Variants in ZDHHC23 observed in about 807,000 individuals in gnomAD.
The protein encoded by ZDHHC23 is palmitoyltransferase ZDHHC23.
ZDHHC23 carries 41 observed loss-of-function variants against 40.2 expected under a neutral mutation model. That is an observed-to-expected ratio of 1.02 (90% CI 0.79 to 1.32). ZDHHC23 has a LOEUF of 1.32. Among genes scored for constraint, ZDHHC23 ranks in the 40% most tolerant of loss-of-function variants. The probability of loss-of-function intolerance (pLI) is 0.00; values close to 1 mark genes in which losing one functional copy is unlikely to be tolerated. For synonymous variants in ZDHHC23, 204 were observed against 210.2 expected (o/e 0.97, Z 0.26); for missense variants, 471 against 541.5 (o/e 0.87, Z 1.29).
downstream of ZDHHC23, chr3:113,965,255 AC>A (rs1235800079): frequency 3.7e-6 from 6 of 1,611,786 alleles, no homozygotes; most frequent in Non-Finnish European, 4.2e-6. Flanking sequence ...AAGAATTTCA[AC>A]TACCTTCCTA....
intron 2 of ZDHHC23, among the ~76,000 whole-genome samples, chr3:113,952,859 G>A (rs989912713): frequency 1.3e-5 from 2 of 152,108 alleles, no homozygotes; most frequent in Non-Finnish European, 1.5e-5. Context: ...CTCTTTTTTA[G>A]AGGCATTAAT....
chr3:113,953,193 C>T (rs2107464310), intron 2 of ZDHHC23, among the ~76,000 whole-genome samples: 1 of 152,284 alleles, frequency 6.6e-6, no homozygotes, highest in Non-Finnish European at 1.5e-5. Flanking sequence ...CCTCTCTATT[C>T]ATACACATGC....
intron 2 of ZDHHC23, among the ~76,000 whole-genome samples, chr3:113,951,997 C>T (rs564183342): frequency 1.8e-3 from 269 of 152,146 alleles, no homozygotes; most frequent in African/African-American, 6.1e-3. Context: ...ATTAGCCAGG[C>T]GTGGTGGCGC....
chr3:113,976,069 C>A, the ZDHHC23 span, among the ~76,000 whole-genome samples: 2 of 151,500 alleles, frequency 1.3e-5, no homozygotes, highest in African/African-American at 4.8e-5. Flanking sequence ...TCAGCCTGGG[C>A]AGCATGGTAA....
downstream of ZDHHC23, among the ~76,000 whole-genome samples, chr3:113,970,088 G>T (rs919064835): frequency 6.6e-6 from 1 of 152,014 alleles, no homozygotes; most frequent in Non-Finnish European, 1.5e-5. Flanking sequence ...TGGTTCCCAG[G>T]TATTTTATTT....
intron 4 of ZDHHC23, among the ~76,000 whole-genome samples, chr3:113,958,061 G>T (rs1221724356): frequency 1.3e-5 from 2 of 152,180 alleles, no homozygotes; most frequent in Non-Finnish European, 2.9e-5. Context: ...TAACAAACAG[G>T]TGTTGAACGC....
At chr3:113,970,459 C>CTGGAT in the ZDHHC23 span, among the ~76,000 whole-genome samples, 5 of 152,068 alleles carry the variant, frequency 3.3e-5, no homozygotes, top group African/African-American at 1.2e-4. Context: ...CACATCTGGC[C>CTGGAT]TGGATGCCCT....
chr3:113,949,058 C>T, intron 2 of ZDHHC23, 95 bp downstream of exon 2: 1 of 1,486,944 alleles, frequency 6.7e-7, no homozygotes, highest in Non-Finnish European at 9.1e-7. Flanking sequence ...CTAGAATTTG[C>T]TCTTGATTCT....
chr3:113,951,989 T>A (rs1938712264), intron 2 of ZDHHC23, among the ~76,000 whole-genome samples: 1 of 151,990 alleles, frequency 6.6e-6, no homozygotes, highest in Non-Finnish European at 1.5e-5. Context: ...AATACAAAAT[T>A]AGCCAGGCGT....
intron 2 of ZDHHC23, among the ~76,000 whole-genome samples, chr3:113,949,335 T>G (rs926713151): frequency 3.3e-5 from 5 of 152,222 alleles, no homozygotes; most frequent in Non-Finnish European, 7.3e-5. Context: ...GGTCTCAGCA[T>G]TTAGAGACTG....
rs142039731 is a variant in ZDHHC23 at position 113,952,562 on chromosome 3, T to C, written c.162-1138T>C. Among the ~76,000 whole-genome samples the C allele has an allele frequency of 5.1e-4, 77 of 152,346 alleles. 1 individual carries two copies. In the East Asian group the frequency reaches 0.014, roughly 27 times the overall value. On this transcript the variant is annotated intron_variant, in intron 2 of 4. Coordinates refer to ENST00000638807, the MANE Select transcript of ZDHHC23 (RefSeq NM_001320466.2). Reference sequence around the variant, plus strand: ...TCCACACTCTTCTAACCTCTACCCGTTACCCGGTTCCACAGCTGCATCCAC... The same window carrying C: ...TCCACACTCTTCTAACCTCTACCCGCTACCCGGTTCCACAGCTGCATCCAC...
At position 113,958,354 on chromosome 3, in the gene ZDHHC23, C is replaced by T; in HGVS notation, c.1041-9C>T. ...ACGGCAGCCCTGACAGCCTTTTTCC[C>T]TCTCCTAGCTCGGCTCTGTCCTTCA... On this transcript the variant is annotated splice_polypyrimidine_tract_variant and intron_variant, in intron 4 of 4. Coordinates refer to ENST00000638807, the MANE Select transcript of ZDHHC23 (RefSeq NM_001320466.2). 1 of 1,588,246 alleles carries T rather than the reference C, an allele frequency of 6.3e-7. No homozygotes were observed. The highest frequency in any genetic ancestry group is 8.6e-7 in the Non-Finnish European group (1 of 1,163,552).
chr3:113,967,785 A>G (rs1577298247), downstream of ZDHHC23, among the ~76,000 whole-genome samples: 1 of 151,546 alleles, frequency 6.6e-6, no homozygotes, highest in Non-Finnish European at 1.5e-5. Flanking sequence ...CTCTTCATCC[A>G]CCTCCCAACC....
downstream of ZDHHC23, among the ~76,000 whole-genome samples, chr3:113,969,927 A>G (rs949234500): frequency 6.6e-6 from 1 of 152,140 alleles, no homozygotes; most frequent in African/African-American, 2.4e-5. Context: ...GAATCTGTAA[A>G]TTGCTTTGGG....
At position 113,958,562 on chromosome 3, in the gene ZDHHC23, C is replaced by A. The variant is rs367947871; in HGVS notation, c.1240C>A (p.Arg414=). 5 of 1,610,564 alleles carry A rather than the reference C, an allele frequency of 3.1e-6. No individual in the cohort carries two copies. In the African/African-American group the frequency reaches 5.3e-5, roughly 17 times the overall value. The change falls in exon 5 of 5, where the codon CGG becomes AGG. Residue 414 remains arginine (R), a synonymous_variant. Coordinates refer to ENST00000638807, the MANE Select transcript of ZDHHC23 (RefSeq NM_001320466.2). ...AGGCCAGTACAATAGGGGCTTCCTG[C>A]GGAACTGGCACCAGTTCTCCACCCT... ...DTGQYNRGFL[R]NWHQFSTLGT...
In ZDHHC23 at chr3:113,954,080, T is replaced by C. The variant is rs759917763; in HGVS notation, c.542T>C (p.Ile181Thr). ...GTTCTTACCTGCGGGTTATTTCTGA[T>C]ACTCTTAGCCTTGCACAGAGCCAAG... Reference protein sequence around the residue: ...LAVLTCGLFLILLALHRAKKN... With the variant: ...LAVLTCGLFLTLLALHRAKKN... Residue 181 changes from isoleucine to threonine, a missense_variant, in exon 3 of 5, where the codon ATA becomes ACA. Coordinates refer to ENST00000638807, the MANE Select transcript of ZDHHC23 (RefSeq NM_001320466.2). The C allele has an allele frequency of 2.5e-6, 4 of 1,614,212 alleles. No individual in the cohort carries two copies. In the South Asian group the frequency reaches 4.4e-5, roughly 18 times the overall value.
chr3:113,969,725 G>A (rs944568702), downstream of ZDHHC23, among the ~76,000 whole-genome samples: 114 of 152,130 alleles, frequency 7.5e-4, 1 homozygote, highest in African/African-American at 2.6e-3. Context: ...TTTTATGCCA[G>A]TACCAAGCTG....
rs112861468 is a variant in ZDHHC23 at position 113,956,203 on chromosome 3, C to T, written c.873-136C>T. On this transcript the variant is annotated intron_variant, in intron 3 of 4. Transcript: ENST00000638807. ...CAGAGGTTGCAGTGAGCCAAGATCG[C>T]GCCATTGCACTTTAGCCTGAACTAC... 1,778 of 899,466 alleles carry T rather than the reference C, an allele frequency of 2.0e-3. 19 individuals are homozygous for T. In the African/African-American group the frequency reaches 0.026, roughly 13 times the overall value. The allele number at this position is 899,466 out of a possible 1,614,324, so 55.7% of individuals were successfully genotyped here. A position where few individuals can be genotyped will look rare whatever the true frequency, so the allele number is the denominator to read the frequency against.
rs1449530321 is a variant in ZDHHC23, at chr3:113,959,546, G to A, written c.*916G>A. 5.5e-6 allele frequency: 7 copies of A among 1,269,134 alleles called. No individual in the cohort carries two copies. Among genetic ancestry groups the A allele is most frequent in the South Asian group, 2.5e-5 (2 of 79,270 alleles). 78.6% of individuals were successfully genotyped at this position (1,269,134 alleles called of 1,614,324 possible). A position where few individuals can be genotyped will look rare whatever the true frequency, so the allele number is the denominator to read the frequency against. ...GTAAGGTGCTAGCACACTTGTGACTGTGGCTGGAAGAGGAGAACAGACACT... is the reference window on the plus strand; with the variant it reads ...GTAAGGTGCTAGCACACTTGTGACTATGGCTGGAAGAGGAGAACAGACACT... On this transcript the variant is annotated 3_prime_UTR_variant, in exon 5 of 5. Transcript: ENST00000638807.
Sources: allele counts gnomAD v4.1 joint callset (sites outside exome capture counted in the v4.1 genomes callset), GRCh38; gene constraint gnomAD v4.1.1; transcripts MANE v1.5; gene names NCBI Gene and HGNC (gene_info 2026-07-23, HGNC 2026-07-21).